PPIF: variants seen among roughly 807,000 people sequenced by gnomAD.
PPIF encodes the protein peptidylprolyl isomerase F.
Under a neutral mutation model 20.2 loss-of-function variants are expected in PPIF, and 23 were observed. That is an observed-to-expected ratio of 1.14 (90% CI 0.82 to 1.61). The LOEUF (loss-of-function observed/expected upper bound fraction) is 1.61. PPIF is among the 40% of genes most tolerant of loss of function. The probability of loss-of-function intolerance (pLI) is 0.00; values close to 1 mark genes in which losing one functional copy is unlikely to be tolerated. For missense variants in PPIF, 287 were observed against 291.6 expected (o/e 0.98, Z 0.11); for synonymous variants, 113 against 123.1 (o/e 0.92, Z 0.54).
Position 79,349,245 on chromosome 10 carries a change from G to A in PPIF, c.226+139G>A, listed in dbSNP as rs113838006. On this transcript the variant is annotated intron_variant, in intron 2 of 5. Transcript: ENST00000225174. ...AGCTCCATGTGTGGCTCAGCCATTG[G>A]GTGCTCTGGGGCAGCCCTGCCATCC... 1.9e-6 allele frequency: 3 copies of A among 1,576,364 alleles called. No individual in the cohort carries two copies. The African/African-American group carries it at 4.0e-5, about 21-fold the overall frequency.
intron 3 of PPIF, 65 bp from the exon 4 acceptor site, chr10:79,351,422 A>G: frequency 1.3e-6 from 2 of 1,533,494 alleles, no homozygotes; most frequent in Non-Finnish European, 1.8e-6. Flanking sequence ...GGCTGCTGCC[A>G]GCGCCAGGGC....
intron 5 of PPIF, among the ~76,000 whole-genome samples, chr10:79,352,981 C>T (rs1257545010): frequency 1.3e-5 from 2 of 152,246 alleles, no homozygotes; most frequent in Non-Finnish European, 2.9e-5. Context: ...TGGCCAGAGT[C>T]CCAAATGTCC....
intron 3 of PPIF, chr10:79,350,026 C>A: frequency 1.8e-6 from 1 of 569,150 alleles, no homozygotes; most frequent in Non-Finnish European, 2.9e-6. Context: ...GATGGATGTG[C>A]TGGGGGTGGC....
chr10:79,347,707 C>T lies in PPIF; in HGVS notation c.159C>T (p.Asp53=). ...SGNPLVYLDV[D]ANGKPLGRVV... ...ACCCGCTCGTGTACCTGGACGTGGA[C>T]GCCAACGGGAAGCCGCTCGGCCGCG... Residue 53 remains aspartate (D), a synonymous_variant, in exon 1 of 6, where the codon GAC becomes GAT. Coordinates refer to ENST00000225174, the MANE Select transcript of PPIF (RefSeq NM_005729.4). 3 of 1,461,316 alleles carry T rather than the reference C, an allele frequency of 2.1e-6. No homozygotes were observed. Among genetic ancestry groups the T allele is most frequent in the South Asian group, 1.4e-5 (1 of 71,810 alleles). 90.5% of individuals were successfully genotyped at this position (1,461,316 alleles called of 1,614,324 possible). A position where few individuals can be genotyped will look rare whatever the true frequency, so the allele number is the denominator to read the frequency against.
intron 1 of PPIF, 83 bp from the exon 2 acceptor site, chr10:79,348,993 G>T: frequency 6.2e-7 from 1 of 1,612,482 alleles, no homozygotes; most frequent in Middle Eastern, 1.7e-4. Flanking sequence ...GGCCACTGTG[G>T]GGGTGGGTGG....
intron 4 of PPIF, chr10:79,351,823 A>T (rs1238193379): frequency 4.2e-6 from 2 of 475,622 alleles, no homozygotes; most frequent in Admixed American, 3.9e-5. Flanking sequence ...ACCTTTAAGC[A>T]GAATGGAGGC....
chr10:79,351,264 A>T (rs1855978116), intron 3 of PPIF, among the ~76,000 whole-genome samples: 1 of 152,104 alleles, frequency 6.6e-6, no homozygotes, highest in African/African-American at 2.4e-5. Flanking sequence ...AGTCATTTGG[A>T]AACAAAGGTA....
At chr10:79,351,693 T>G in intron 4 of PPIF, 110 bp downstream of exon 4, 1 of 943,546 alleles carries the variant, frequency 1.1e-6, no homozygotes, top group Non-Finnish European at 1.6e-6. Flanking sequence ...ATCTGATGAG[T>G]CTCCTTCCTC....
rs996811021 is a variant in PPIF at position 79,353,960 on chromosome 10, T to C, written c.*118T>C. ...ACGTGTGCCCACTCCACTGTCACAGTGTGCCTGAGGAAGGCTGCTAGGGAT... is the reference window on the plus strand; with the variant it reads ...ACGTGTGCCCACTCCACTGTCACAGCGTGCCTGAGGAAGGCTGCTAGGGAT... On this transcript the variant is annotated 3_prime_UTR_variant, in exon 6 of 6. Transcript: ENST00000225174. 5.0e-6 allele frequency: 6 copies of C among 1,193,776 alleles called. No homozygotes were observed. Among genetic ancestry groups the C allele is most frequent in the Non-Finnish European group, 7.1e-6 (6 of 844,996 alleles). 73.9% of individuals were successfully genotyped at this position (1,193,776 alleles called of 1,614,324 possible).
At chr10:79,352,014 A>G (rs1855988475) in intron 4 of PPIF, among the ~76,000 whole-genome samples, 1 of 152,150 alleles carries the variant, frequency 6.6e-6, no homozygotes, top group African/African-American at 2.4e-5. Flanking sequence ...ATAAGACCCA[A>G]GGTAGAATGT....
At position 79,347,708 on chromosome 10, in the gene PPIF, G is replaced by A. The variant is rs760084210; in HGVS notation, c.160G>A (p.Ala54Thr). The A allele has an allele frequency of 1.4e-5, 20 of 1,459,614 alleles. No individual in the cohort carries two copies. In the Middle Eastern group the frequency reaches 2.1e-3, roughly 153 times the overall value. The allele number at this position is 1,459,614 out of a possible 1,614,324, so 90.4% of individuals were successfully genotyped here. The change falls in exon 1 of 6, where the codon GCC (alanine) becomes ACC (threonine). Residue 54 changes from alanine to threonine, a missense_variant. Transcript: ENST00000225174. ...CCCGCTCGTGTACCTGGACGTGGAC[G>A]CCAACGGGAAGCCGCTCGGCCGCGT... ...GNPLVYLDVD[A>T]NGKPLGRVVL...
chr10:79,349,612 A>T, intron 2 of PPIF, 53 bp from the exon 3 acceptor site: 1 of 1,609,418 alleles, frequency 6.2e-7, no homozygotes, highest in Admixed American at 1.7e-5. Context: ...AACGGGTATG[A>T]CCCTGGAATT....
rs57686206 is a variant in PPIF at position 79,350,067 on chromosome 10, A to G, written c.315+314A>G. The G allele has an allele frequency of 6.4e-4, 248 of 389,424 alleles. 4 individuals carry two copies. Among genetic ancestry groups the G allele is most frequent in the African/African-American group, 4.6e-3 (227 of 48,854 alleles). The allele number at this position is 389,424 out of a possible 1,614,324, so 24.1% of individuals were successfully genotyped here. ...AGACTTTGAAGAGCCAGCATATTCC[A>G]GTGGTCTCTGACCTTGTCCCCTGTG... On this transcript the variant is annotated intron_variant, in intron 3 of 5. Transcript: ENST00000225174.
At position 79,351,510 on chromosome 10, in the gene PPIF, T is replaced by C. The variant is rs756595284; in HGVS notation, c.339T>C (p.Asn113=). ...MCQAGDFTNH[N]GTGGKSIYGS... ...AGGCGGGCGACTTCACCAACCACAA[T>C]GGCACAGGCGGGAAGTCCATCTACG... is the stretch of plus-strand genomic sequence containing the variant. The change falls in exon 4 of 6, where the codon AAT becomes AAC. Residue 113 remains asparagine (N), a synonymous_variant. Transcript: ENST00000225174. The C allele has an allele frequency of 1.9e-6, 3 of 1,614,018 alleles. No homozygotes were observed. Among genetic ancestry groups the C allele is most frequent in the South Asian group, 1.1e-5 (1 of 91,084 alleles).
Position 79,353,737 on chromosome 10 carries a change from C to T in PPIF, c.519C>T (p.His173=), listed in dbSNP as rs760293737. 27 of 1,614,088 alleles carry T rather than the reference C, an allele frequency of 1.7e-5. No homozygotes were observed. The highest frequency in any genetic ancestry group is 1.6e-4 in the East Asian group (7 of 44,896). ...WLDGKHVVFG[H]VKEGMDVVKK... ...ATGGCAAGCATGTTGTGTTCGGTCA[C>T]GTCAAAGAGGGCATGGACGTCGTGA... Residue 173 remains histidine (H), a synonymous_variant, in exon 6 of 6, where the codon CAC becomes CAT. Transcript: ENST00000225174.
intron 5 of PPIF, 112 bp from the exon 6 acceptor site, chr10:79,353,595 T>A: frequency 1.3e-6 from 2 of 1,572,568 alleles, no homozygotes; most frequent in Non-Finnish European, 1.7e-6. Flanking sequence ...AGCTATTCCA[T>A]GGGGATTCTT....
rs557881342 is a variant in PPIF at position 79,349,655 on chromosome 10, C to T, written c.227-10C>T. ...GGCCCTGTTGACCTGTGTTTCTCTT[C>T]GACCCTCAGAGAACTTCAGAGCCCT... On this transcript the variant is annotated splice_polypyrimidine_tract_variant and intron_variant, in intron 2 of 5. Transcript: ENST00000225174. The T allele has an allele frequency of 9.1e-5, 146 of 1,612,890 alleles. No individual in the cohort carries two copies. In the South Asian group the frequency reaches 1.2e-3, roughly 13 times the overall value.
At chr10:79,350,304 G>C (rs1419054473) in intron 3 of PPIF, among the ~76,000 whole-genome samples, 2 of 152,184 alleles carry the variant, frequency 1.3e-5, no homozygotes, top group East Asian at 3.9e-4. Context: ...CAGAGGTTTG[G>C]GGGTAGGTGT....
intron 3 of PPIF, 45 bp from the exon 4 acceptor site, chr10:79,351,442 C>G: frequency 6.3e-7 from 1 of 1,597,880 alleles, no homozygotes; most frequent in African/African-American, 1.3e-5. Flanking sequence ...CCGTGGCCCC[C>G]GCCTGCTCCA....
Sources: allele counts gnomAD v4.1 joint callset (sites outside exome capture counted in the v4.1 genomes callset), GRCh38; gene constraint gnomAD v4.1.1; transcripts MANE v1.5; gene names NCBI Gene and HGNC (gene_info 2026-07-23, HGNC 2026-07-21).